The following NRG2 variants were observed in gnomAD, a reference collection of about 807,000 sequenced individuals.
NRG2 encodes the protein neuregulin 2, also known as pro-neuregulin-2, membrane-bound isoform.
A neutral mutation model predicts 73.9 loss-of-function variants in NRG2; 27 were observed. The ratio of observed to expected loss-of-function variants is 0.37; its 90% confidence interval spans 0.27 to 0.50. The LOEUF is 0.50. Among genes scored for constraint, NRG2 ranks in the 20% least tolerant of loss-of-function variants. The probability of loss-of-function intolerance (pLI) is 0.96; values close to 1 mark genes in which losing one functional copy is unlikely to be tolerated. For missense variants in NRG2, 1,126 were observed against 1,210.1 expected (o/e 0.93, Z 1.03); for synonymous variants, 532 against 541.0 (o/e 0.98, Z 0.23).
intron 1 of NRG2, among the ~76,000 whole-genome samples, chr5:140,022,317 C>T (rs1330195772): frequency 1.3e-5 from 2 of 152,218 alleles, no homozygotes; most frequent in African/African-American, 4.8e-5. Context: ...GAAGTCTTTT[C>T]TGATATCCCT....
Position 139,852,088 on chromosome 5 carries a change from C to A in NRG2, c.1545-257G>T, listed in dbSNP as rs1339816584. Reference sequence around the variant, plus strand: ...TTCCTTCCTGCAACCAGCCTCCCCCCAGCCTTACCTTAGACCCCCTGTCTG... The same window carrying A: ...TTCCTTCCTGCAACCAGCCTCCCCCAAGCCTTACCTTAGACCCCCTGTCTG... On this transcript the variant is annotated intron_variant, in intron 8 of 9. Transcript: ENST00000361474. This position sits in a 1 kb window ranked among gnomAD's most constrained non-coding sequence, Gnocchi z 4.4. Among the ~76,000 whole-genome samples the A allele has an allele frequency of 1.3e-5, 2 of 152,212 alleles. No homozygotes were observed. Among genetic ancestry groups the A allele is most frequent in the Non-Finnish European group, 2.9e-5 (2 of 68,042 alleles).
chr5:139,959,010 C>G (rs1274457595), intron 1 of NRG2, among the ~76,000 whole-genome samples: 2 of 152,170 alleles, frequency 1.3e-5, no homozygotes, highest in Non-Finnish European at 2.9e-5. Flanking sequence ...AGGCTATAAC[C>G]TCCAACCCCA....
At chr5:139,959,060 T>G (rs903777037) in intron 1 of NRG2, among the ~76,000 whole-genome samples, 5 of 152,224 alleles carry the variant, frequency 3.3e-5, no homozygotes, top group Admixed American at 1.3e-4. Flanking sequence ...CCTGTGGACC[T>G]CTCTGAGAAG....
chr5:139,881,709 C>T (rs1032210445), intron 2 of NRG2, among the ~76,000 whole-genome samples: 9 of 152,216 alleles, frequency 5.9e-5, no homozygotes, highest in Admixed American at 2.0e-4. Flanking sequence ...CAAGGGCACT[C>T]GGCAAGGCAA....
intron 2 of NRG2, among the ~76,000 whole-genome samples, chr5:139,886,512 G>A (rs1763882243): frequency 3.9e-5 from 6 of 152,242 alleles, no homozygotes; most frequent in Admixed American, 3.9e-4. Context: ...GGGTAGAAAA[G>A]GTTTGGGAGC....
At chr5:139,920,263 T>TTAA (rs1279466713) in intron 1 of NRG2, among the ~76,000 whole-genome samples, 3 of 152,358 alleles carry the variant, frequency 2.0e-5, no homozygotes, top group Non-Finnish European at 4.4e-5. Context: ...GCAGTTCTCA[T>TTAA]TAATCTTCCT....
At chr5:139,890,137 A>G (rs1251711399) in intron 1 of NRG2, among the ~76,000 whole-genome samples, 2 of 152,076 alleles carry the variant, frequency 1.3e-5, no homozygotes, top group African/African-American at 4.8e-5. Context: ...ACTCACCAAC[A>G]CGAGGTATTA....
chr5:139,859,667 C>T (rs911864006), intron 5 of NRG2, among the ~76,000 whole-genome samples: 15 of 152,154 alleles, frequency 9.9e-5, no homozygotes, highest in Admixed American at 3.9e-4. Context: ...CTGAGGGCAA[C>T]GGTCCGAACC....
chr5:140,040,185 A>G (rs1415785644), intron 1 of NRG2, among the ~76,000 whole-genome samples: 1 of 152,144 alleles, frequency 6.6e-6, no homozygotes, highest in Admixed American at 6.5e-5. Flanking sequence ...ACCTATTTAT[A>G]TACTTCCCTT....
At chr5:139,960,969 C>T (rs545852236) in intron 1 of NRG2, among the ~76,000 whole-genome samples, 13 of 152,298 alleles carry the variant, frequency 8.5e-5, no homozygotes, top group African/African-American at 2.9e-4. Flanking sequence ...CTGCCAGGCT[C>T]GTTGGGGCCT....
intron 3 of NRG2, among the ~76,000 whole-genome samples, chr5:139,879,185 C>A (rs1222416272): frequency 2.0e-5 from 3 of 152,160 alleles, no homozygotes; most frequent in African/African-American, 4.8e-5. Flanking sequence ...ATGATTGTAA[C>A]TTCCAGGAGA....
chr5:139,936,770 G>C (rs1419370072), intron 1 of NRG2, among the ~76,000 whole-genome samples: 2 of 152,074 alleles, frequency 1.3e-5, no homozygotes, highest in African/African-American at 4.8e-5. Flanking sequence ...TTAATTTCAG[G>C]AAATAAAGAT....
chr5:139,882,988 T>A (rs569893975), intron 2 of NRG2, among the ~76,000 whole-genome samples: 2 of 151,988 alleles, frequency 1.3e-5, no homozygotes, highest in African/African-American at 4.8e-5. Context: ...GATGATTTCA[T>A]AGAAGCCGGC....
In NRG2 at chr5:139,968,904, A is replaced by G. The variant is rs546793677; in HGVS notation, c.700+73466T>C. On this transcript the variant is annotated intron_variant, in intron 1 of 9. Coordinates refer to ENST00000361474, the MANE Select transcript of NRG2 (RefSeq NM_004883.3). ...GGAGAGGGCACTCCGAGGCCGGTGC[A>G]GGAGCTGAGACGCAGCCTGCCCTGC... Among the ~76,000 whole-genome samples, 5 of 152,352 alleles carry G rather than the reference A, an allele frequency of 3.3e-5. No homozygotes were observed. In the East Asian group the frequency reaches 9.7e-4, roughly 29 times the overall value.
intron 4 of NRG2, among the ~76,000 whole-genome samples, chr5:139,866,654 G>A (rs1762487908): frequency 6.6e-6 from 1 of 152,126 alleles, no homozygotes; most frequent in Non-Finnish European, 1.5e-5. Context: ...ATTTCCCCAT[G>A]ACCTGTTTCT....
At chr5:139,919,213 C>T (rs924815967) in intron 1 of NRG2, among the ~76,000 whole-genome samples, 2 of 152,052 alleles carry the variant, frequency 1.3e-5, no homozygotes, top group Non-Finnish European at 2.9e-5. Context: ...CTAACCCACT[C>T]CACCCCACGA....
Position 139,848,279 on chromosome 5 carries a change from C to T in NRG2, c.2191G>A (p.Gly731Ser). 9.4e-7 allele frequency: 1 copy of T among 1,059,110 alleles called. No homozygotes were observed. Among genetic ancestry groups the T allele is most frequent in the South Asian group, 4.5e-5 (1 of 22,402 alleles). 65.6% of individuals were successfully genotyped at this position (1,059,110 alleles called of 1,614,324 possible). A position where few individuals can be genotyped will look rare whatever the true frequency, so the allele number is the denominator to read the frequency against. ...CCCGCCGACGTCCTGCGGGACGCAC[C>T]GCGCGCGCGCGGCCGCGGCGGCGGC... ...PPPPPRPRARGASRRTSAGPR... is the reference protein window; with the variant it reads ...PPPPPRPRARSASRRTSAGPR... The change falls in exon 10 of 10, where the codon GGT becomes AGT. Residue 731 changes from glycine to serine, a missense_variant. Gly to Ser is a moderately conservative substitution (Grantham distance 56, BLOSUM62 0). Around this residue, in one of 3 missense-constraint regions of NRG2, gnomAD observed 402 missense variants for 357.8 expected, o/e 1.12. Transcript: ENST00000361474.
intron 1 of NRG2, among the ~76,000 whole-genome samples, chr5:139,982,896 A>G (rs753175772): frequency 1.3e-5 from 2 of 152,134 alleles, no homozygotes; most frequent in Non-Finnish European, 2.9e-5. Flanking sequence ...AACTGCCTTC[A>G]TGGGGGTCCA....
intron 1 of NRG2, among the ~76,000 whole-genome samples, chr5:139,927,849 C>T (rs1468457857): frequency 6.6e-6 from 1 of 151,850 alleles, no homozygotes; most frequent in Non-Finnish European, 1.5e-5. Context: ...ACCCTTGTCT[C>T]ACTTCCAAAA....
Sources: allele counts gnomAD v4.1 joint callset (sites outside exome capture counted in the v4.1 genomes callset), GRCh38; gene constraint gnomAD v4.1.1; regional missense constraint gnomAD v4.1.1; non-coding constraint Gnocchi (gnomAD v3.1); transcripts MANE v1.5; gene names NCBI Gene and HGNC (gene_info 2026-07-23, HGNC 2026-07-21).